Variants in SYNE2 observed in about 807,000 individuals in gnomAD.
SYNE2 encodes the protein nesprin-2.
A neutral mutation model predicts 856.3 loss-of-function variants in SYNE2; 431 were observed. The ratio of observed to expected loss-of-function variants is 0.50; its 90% CI spans 0.47 to 0.55. SYNE2 has a LOEUF of 0.55. SYNE2 is among the 20% of genes least tolerant of loss of function. The pLI, the probability that SYNE2 is intolerant of heterozygous loss-of-function variation, is 0.00. For missense variants in SYNE2, 8,129 were observed against 8,023.2 expected (o/e 1.01, Z -0.50); for synonymous variants, 2,923 against 2,872.3 (o/e 1.02, Z -0.56).
chr14:63,929,696 G>A (rs1443604694), intron 2 of SYNE2, among the ~76,000 whole-genome samples: 1 of 151,894 alleles, frequency 6.6e-6, no homozygotes, highest in Non-Finnish European at 1.5e-5. Flanking sequence ...GCATGAACAC[G>A]GGAGGCGGAG....
chr14:64,084,925 G>C (rs571079490), intron 57 of SYNE2: 1 of 701,824 alleles, frequency 1.4e-6, no homozygotes, highest in Admixed American at 2.0e-5. Context: ...GCTCATTCCC[G>C]TGGCTGTTGA....
chr14:63,810,187 C>T (rs1478678091), intron 1 of SYNE2, among the ~76,000 whole-genome samples: 1 of 150,144 alleles, frequency 6.7e-6, no homozygotes, highest in Non-Finnish European at 1.5e-5. Flanking sequence ...TTGCACAATG[C>T]ACTCTAGGCT....
chr14:63,945,407 C>T (rs778832224), intron 6 of SYNE2, among the ~76,000 whole-genome samples: 18 of 152,042 alleles, frequency 1.2e-4, no homozygotes, highest in Non-Finnish European at 2.6e-4. Flanking sequence ...AATGTCTTCT[C>T]TTATGTACAC....
chr14:64,203,980 T>C (rs2098593260), intron 100 of SYNE2, among the ~76,000 whole-genome samples: 1 of 152,168 alleles, frequency 6.6e-6, no homozygotes, highest in Non-Finnish European at 1.5e-5. Context: ...GCCTCCTGAG[T>C]AGATGGCACT....
At chr14:64,051,405 A>C in intron 47 of SYNE2, 152 bp from the exon 48 acceptor site, 1 of 731,712 alleles carries the variant, frequency 1.4e-6, no homozygotes, top group Non-Finnish European at 2.1e-6. Flanking sequence ...CAAGATTCTG[A>C]TTTTTATTTT....
chr14:64,189,009 A>T (rs930531163), intron 98 of SYNE2: 18 of 702,116 alleles, frequency 2.6e-5, no homozygotes, highest in Non-Finnish European at 4.4e-5. Flanking sequence ...TGATACCCCA[A>T]GTGAGTTAGG....
rs763965173 is a variant in SYNE2, at chr14:64,216,347, C to G, written c.19502C>G (p.Pro6501Arg). The G allele has an allele frequency of 5.6e-6, 9 of 1,614,114 alleles. No individual in the cohort carries two copies. The highest frequency in any genetic ancestry group is 2.7e-5 in the African/African-American group (2 of 74,938). ...ATGGAAGGTGACAGGAATGTTCCAC[C>G]TGTTCCCCCTGCGTCCAGCACCCCT... Reference protein sequence around the residue: ...KQMEGDRNVPPVPPASSTPYK... With the variant: ...KQMEGDRNVPRVPPASSTPYK... Residue 6501 changes from proline (P) to arginine (R), a missense_variant, in exon 108 of 116, where the codon CCT becomes CGT. By Grantham distance (103) the Pro-to-Arg change is moderately radical. Around this residue, in one of 3 missense-constraint regions of SYNE2, gnomAD observed 5,410 missense variants for 5,284.8 expected, o/e 1.02. Transcript: ENST00000555002.
At chr14:63,797,147 T>C (rs1331767861) in intron 1 of SYNE2, among the ~76,000 whole-genome samples, 3 of 150,742 alleles carry the variant, frequency 2.0e-5, no homozygotes, top group African/African-American at 7.3e-5. Context: ...TGGTGGCTCA[T>C]GCACTTTGAG....
intron 1 of SYNE2, among the ~76,000 whole-genome samples, chr14:63,898,273 A>T (rs533501090): frequency 6.6e-6 from 1 of 152,230 alleles, no homozygotes; most frequent in South Asian, 2.1e-4. Context: ...AATCTGCTGC[A>T]TCACTATCGT....
At chr14:63,890,329 C>T (rs973763724) in intron 1 of SYNE2, among the ~76,000 whole-genome samples, 14 of 152,100 alleles carry the variant, frequency 9.2e-5, no homozygotes, top group African/African-American at 3.1e-4. Flanking sequence ...TCCCAAAGTG[C>T]TGGGATTACA....
chr14:63,990,966 G>A lies in SYNE2; in HGVS notation c.2497G>A (p.Ala833Thr), dbSNP rs1448634381. The stretch of plus-strand genomic sequence containing the variant: ...GATCAATGTGGTAAAACTCATTGCA[G>A]CGTTGAAGAACTTAACTGACGTTTC... ...VQINVVKLIA[A>T]LKNLTDVSPD... The change falls in exon 21 of 116, where the codon GCG (alanine) becomes ACG (threonine). Residue 833 changes from alanine to threonine, a missense_variant. Ala to Thr is a moderately conservative substitution (Grantham distance 58, BLOSUM62 0). Transcript: ENST00000555002. 4 of 1,613,972 alleles carry A rather than the reference G, an allele frequency of 2.5e-6. No homozygotes were observed. The African/African-American group carries it at 4.0e-5, about 16-fold the overall frequency.
At chr14:64,107,422 C>T (rs10135310) in intron 64 of SYNE2, 69 bp from the exon 65 acceptor site, 49 of 1,346,824 alleles carry the variant, frequency 3.6e-5, no homozygotes, top group African/African-American at 2.0e-4. Flanking sequence ...AATGAGCATG[C>T]GCAGAAAGAA....
intron 1 of SYNE2, among the ~76,000 whole-genome samples, chr14:63,897,251 T>G (rs2153303074): frequency 6.6e-6 from 1 of 151,912 alleles, no homozygotes; most frequent in South Asian, 2.1e-4. Flanking sequence ...AGACCCTATC[T>G]CTAAATAAAT....
chr14:64,099,899 C>G (rs979271244), intron 63 of SYNE2: 2 of 152,190 alleles, frequency 1.3e-5, no homozygotes, highest in Non-Finnish European at 2.9e-5. Flanking sequence ...TCCCTTCCCC[C>G]TCCCCCTAAC....
rs879361096 is a variant in SYNE2, at chr14:64,153,749, C to T, written c.15792+1033C>T. Among the ~76,000 whole-genome samples the T allele has an allele frequency of 3.2e-4, 49 of 151,722 alleles. 1 individual carries two copies. Among genetic ancestry groups the T allele is most frequent in the Admixed American group, 3.9e-4 (6 of 15,226 alleles). ...AGAAACACATGTAAACAGATAATTA[C>T]AATATAATAAAAATATAAAGAGAAA... On this transcript the variant is annotated intron_variant, in intron 85 of 115. Transcript: ENST00000555002.
intron 1 of SYNE2, among the ~76,000 whole-genome samples, chr14:63,837,262 A>AC (rs558202111): frequency 1.7e-4 from 26 of 152,256 alleles, no homozygotes; most frequent in African/African-American, 6.3e-4. Context: ...CTGAAGCTGG[A>AC]CCCCTACATC....
chr14:64,102,085 C>G, intron 64 of SYNE2, 43 bp downstream of exon 64: 1 of 1,378,424 alleles, frequency 7.3e-7, no homozygotes, highest in Non-Finnish European at 1.0e-6. Flanking sequence ...TTACGAGGGC[C>G]CAGGGGGGAG....
rs1281190567 is a variant in SYNE2 at position 64,000,692 on chromosome 14, G to A, written c.3611G>A (p.Arg1204Lys). The change falls in exon 28 of 116, where the codon AGA becomes AAA. Residue 1204 changes from arginine (R) to lysine (K), a missense_variant. Arg to Lys is a conservative substitution (Grantham distance 26). This residue lies in a region of SYNE2 where 2,422 missense variants were observed against 2,357.4 expected (regional missense o/e 1.03). Transcript: ENST00000555002. The stretch of plus-strand genomic sequence containing the variant: ...AGAGACACACTAAAGGAAAGAGAAA[G>A]AGAGCTTCAGATGACTCTTAATACC... ...KERDTLKERE[R>K]ELQMTLNTRM... 6.2e-7 allele frequency: 1 copy of A among 1,613,078 alleles called. No homozygotes were observed. The highest frequency in any genetic ancestry group is 1.7e-5 in the Admixed American group (1 of 59,992).
intron 1 of SYNE2, among the ~76,000 whole-genome samples, chr14:63,796,350 G>A (rs1038838572): frequency 2.0e-5 from 3 of 152,156 alleles, no homozygotes; most frequent in Non-Finnish European, 4.4e-5. Flanking sequence ...CCAGCTACTT[G>A]GGAGGCTGAG....
Sources: allele counts gnomAD v4.1 joint callset (sites outside exome capture counted in the v4.1 genomes callset), GRCh38; gene constraint gnomAD v4.1.1; regional missense constraint gnomAD v4.1.1; transcripts MANE v1.5; gene names NCBI Gene and HGNC (gene_info 2026-07-23, HGNC 2026-07-21).